Variants in NEDD4L observed in about 807,000 individuals in gnomAD.
The protein encoded by NEDD4L is NEDD4 like E3 ubiquitin protein ligase.
Under a neutral mutation model 148.9 loss-of-function variants are expected in NEDD4L, and 54 were observed. The observed-to-expected ratio is 0.36, with a 90% CI of 0.29 to 0.45. NEDD4L has a LOEUF of 0.45. NEDD4L is among the 20% of genes least tolerant of loss of function. NEDD4L has a pLI of 1.00. For synonymous variants in NEDD4L, 433 were observed against 440.7 expected (o/e 0.98, Z 0.22); for missense variants, 856 against 1,233.8 (o/e 0.69, Z 4.59).
At chr18:58,112,367 T>C (rs1284438230) in intron 1 of NEDD4L, among the ~76,000 whole-genome samples, 1 of 69,906 alleles carries the variant, frequency 1.4e-5, no homozygotes, top group Non-Finnish European at 3.0e-5. Context: ...TGTCTTTATT[T>C]ATTTATTTAT....
intron 19 of NEDD4L, among the ~76,000 whole-genome samples, chr18:58,363,051 G>A (rs2045677103): frequency 6.6e-6 from 1 of 152,168 alleles, no homozygotes; most frequent in Admixed American, 6.5e-5. Flanking sequence ...AAGACCATAG[G>A]CAGTGTAAAT....
intron 24 of NEDD4L, among the ~76,000 whole-genome samples, chr18:58,379,226 C>T (rs566818738): frequency 1.1e-4 from 16 of 152,318 alleles, no homozygotes; most frequent in South Asian, 2.1e-4. Context: ...ATCTGCAGTT[C>T]GCTGTTTCTC....
chr18:58,188,518 G>T (rs951647611), intron 2 of NEDD4L, among the ~76,000 whole-genome samples: 3 of 152,232 alleles, frequency 2.0e-5, no homozygotes, highest in South Asian at 2.1e-4. Flanking sequence ...ACATGGGGAG[G>T]CAGGACTAGC....
rs2048669106 is a variant in NEDD4L at position 58,256,913 on chromosome 18, T to C, written c.297+4859T>C. 2 of 751,876 alleles carry C rather than the reference T, an allele frequency of 2.7e-6. No individual in the cohort carries two copies. The highest frequency in any genetic ancestry group is 1.4e-4 in the South Asian group (2 of 14,128). The allele number at this position is 751,876 out of a possible 1,614,324, so 46.6% of individuals were successfully genotyped here. The stretch of plus-strand genomic sequence containing the variant: ...CAGTGGATCTGAATGTTTGGCCGAG[T>C]TCTGGCACGATGATTTGTGGTCCAG... On this transcript the variant is annotated intron_variant, in intron 5 of 30. Coordinates refer to ENST00000400345, the MANE Select transcript of NEDD4L (RefSeq NM_001144967.3). This position sits in a 1 kb window ranked among gnomAD's most constrained non-coding sequence, Gnocchi z 5.2.
chr18:58,307,312 G>A (rs1385013560), intron 5 of NEDD4L, among the ~76,000 whole-genome samples: 2 of 152,098 alleles, frequency 1.3e-5, no homozygotes, highest in Admixed American at 1.3e-4. Flanking sequence ...CAGGACTCCA[G>A]CTTGGTGGAG....
chr18:58,233,739 T>G (rs1282471789), intron 2 of NEDD4L, among the ~76,000 whole-genome samples: 2 of 152,214 alleles, frequency 1.3e-5, no homozygotes, highest in Non-Finnish European at 2.9e-5. Context: ...CACTATGAAC[T>G]AGGTGGCTAA....
intron 2 of NEDD4L, among the ~76,000 whole-genome samples, chr18:58,236,069 G>A (rs2045972951): frequency 1.3e-5 from 2 of 151,434 alleles, no homozygotes; most frequent in African/African-American, 4.9e-5. Context: ...ATAAACATAG[G>A]TCTTTGGCCA....
intron 1 of NEDD4L, among the ~76,000 whole-genome samples, chr18:58,049,090 A>G (rs1283704287): frequency 6.6e-6 from 1 of 152,220 alleles, no homozygotes; most frequent in Non-Finnish European, 1.5e-5. Flanking sequence ...GAGAAAAAGG[A>G]TATTTTAGAA....
intron 4 of NEDD4L, among the ~76,000 whole-genome samples, chr18:58,251,527 CTGTGTGTT>C (rs1242251357): frequency 6.6e-6 from 1 of 151,602 alleles, no homozygotes; most frequent in Non-Finnish European, 1.5e-5. Context: ...GTCTGTCTGT[CTGTGTGTT>C]TGTGTGTATG....
At chr18:58,301,687 G>A (rs2056478991) in intron 5 of NEDD4L, among the ~76,000 whole-genome samples, 1 of 152,224 alleles carries the variant, frequency 6.6e-6, no homozygotes, top group African/African-American at 2.4e-5. Flanking sequence ...TGTTGGAGCA[G>A]CCTGTGTTTT....
Position 58,152,979 on chromosome 18 carries a change from G to A in NEDD4L, c.49-12809G>A, listed in dbSNP as rs528537701. On this transcript the variant is annotated intron_variant, in intron 1 of 30. Coordinates refer to ENST00000400345, the MANE Select transcript of NEDD4L (RefSeq NM_001144967.3). ...GTGACGGTTGACAGCCACCTATGGG[G>A]TGGCTGATGCCTTTTCTGTGTCTTC... Among the ~76,000 whole-genome samples the A allele has an allele frequency of 2.6e-5, 4 of 152,332 alleles. No individual in the cohort carries two copies. In the South Asian group the frequency reaches 8.3e-4, roughly 32 times the overall value.
intron 1 of NEDD4L, among the ~76,000 whole-genome samples, chr18:58,124,575 A>G (rs1243009766): frequency 6.6e-6 from 1 of 151,948 alleles, no homozygotes; most frequent in Non-Finnish European, 1.5e-5. Flanking sequence ...ATCTTTAGAG[A>G]GTCACCTCTC....
At chr18:58,181,255 C>T (rs1253930629) in intron 2 of NEDD4L, among the ~76,000 whole-genome samples, 1 of 152,112 alleles carries the variant, frequency 6.6e-6, no homozygotes, top group African/African-American at 2.4e-5. Flanking sequence ...AAATGCCAGT[C>T]ACTAAAAAGG....
At chr18:58,345,129 A>G (rs2042887451) in intron 16 of NEDD4L, among the ~76,000 whole-genome samples, 1 of 152,242 alleles carries the variant, frequency 6.6e-6, no homozygotes, top group South Asian at 2.1e-4. Context: ...CTGATTTAAA[A>G]TCATAATCTG....
In NEDD4L at chr18:58,150,936, C is replaced by T. The variant is rs538719741; in HGVS notation, c.49-14852C>T. On this transcript the variant is annotated intron_variant, in intron 1 of 30. Transcript: ENST00000400345. The stretch of plus-strand genomic sequence containing the variant: ...CAGGTAAATTGGTGGACGTCCTTGA[C>T]TCCTCCACCTCCAAAAGGACTTTGA... Among the ~76,000 whole-genome samples the T allele has an allele frequency of 8.5e-5, 13 of 152,326 alleles. No individual in the cohort carries two copies. The South Asian group carries it at 1.2e-3, about 15-fold the overall frequency.
intron 2 of NEDD4L, chr18:58,195,358 A>ATAG: frequency 1.8e-6 from 2 of 1,132,238 alleles, no homozygotes; most frequent in East Asian, 1.2e-4. Context: ...AGTTCCTCCT[A>ATAG]TAGTCATTGG....
intron 1 of NEDD4L, among the ~76,000 whole-genome samples, chr18:58,077,850 G>A (rs1334328367): frequency 2.0e-5 from 3 of 152,082 alleles, no homozygotes; most frequent in Non-Finnish European, 2.9e-5. Flanking sequence ...TTTGTGCCTC[G>A]AGAGACATTG....
chr18:58,269,303 G>C (rs1003828651), intron 5 of NEDD4L, among the ~76,000 whole-genome samples: 8 of 151,978 alleles, frequency 5.3e-5, no homozygotes, highest in Non-Finnish European at 8.8e-5. Flanking sequence ...TCTCAGAAAA[G>C]CATTCTAGGT....
intron 1 of NEDD4L, among the ~76,000 whole-genome samples, chr18:58,147,876 AC>A (rs1314683718): frequency 6.6e-6 from 1 of 151,902 alleles, no homozygotes; most frequent in African/African-American, 2.4e-5. Flanking sequence ...CTTCCAGGGC[AC>A]CTTACTGTCC....
Sources: allele counts gnomAD v4.1 joint callset (sites outside exome capture counted in the v4.1 genomes callset), GRCh38; gene constraint gnomAD v4.1.1; non-coding constraint Gnocchi (gnomAD v3.1); transcripts MANE v1.5; gene names NCBI Gene and HGNC (gene_info 2026-07-23, HGNC 2026-07-21).